Variants in CNOT6 observed in about 807,000 individuals in gnomAD.
The protein encoded by CNOT6 is CCR4-NOT transcription complex subunit 6.
Under a neutral mutation model 61.2 loss-of-function variants are expected in CNOT6, and 12 were observed. That is an observed-to-expected ratio of 0.20 (90% CI 0.13 to 0.32). The LOEUF (loss-of-function observed/expected upper bound fraction) is 0.32, where lower values mean the gene tolerates loss of function less well. Among genes scored for constraint, CNOT6 ranks in the 10% least tolerant of loss-of-function variants. The pLI is 1.00. For synonymous variants in CNOT6, 225 were observed against 240.6 expected, an observed-to-expected ratio of 0.94 and a Z score of 0.60; for missense variants, 405 against 663.9, an observed-to-expected ratio of 0.61 and a Z score of 4.28.
chr5:180,546,538 C>T (rs961237326), intron 2 of CNOT6, among the ~76,000 whole-genome samples: 1 of 152,170 alleles, frequency 6.6e-6, no homozygotes, highest in Non-Finnish European at 1.5e-5. Context: ...TTTCCTCCTC[C>T]CATCCATTAT....
At chr5:180,537,805 T>TC (rs780133610) in intron 2 of CNOT6, among the ~76,000 whole-genome samples, 35 of 5,946 alleles carry the variant, frequency 5.9e-3, no homozygotes, top group East Asian at 0.5. Flanking sequence ...TTTCTCTCTC[T>TC]TTTTTTTTTT....
chr5:180,546,591 GTTATC>G (rs1485790372), intron 2 of CNOT6, among the ~76,000 whole-genome samples: 1 of 152,112 alleles, frequency 6.6e-6, no homozygotes, highest in African/African-American at 2.4e-5. Flanking sequence ...TAACACCCAC[GTTATC>G]TTATTTCTAA....
At chr5:180,510,224 G>A (rs1757330352) in intron 1 of CNOT6, among the ~76,000 whole-genome samples, 1 of 129,882 alleles carries the variant, frequency 7.7e-6, no homozygotes, top group Non-Finnish European at 1.6e-5. Flanking sequence ...CTATTCACAG[G>A]TGCAATGATA....
chr5:180,571,474 C>G, intron 11 of CNOT6, 42 bp downstream of exon 11: 1 of 1,412,816 alleles, frequency 7.1e-7, no homozygotes, highest in Non-Finnish European at 1.0e-6. Flanking sequence ...CTGTCTTTTA[C>G]TGGCAGGTGT....
chr5:180,513,653 T>C (rs1332865635), intron 1 of CNOT6, among the ~76,000 whole-genome samples: 1 of 151,850 alleles, frequency 6.6e-6, no homozygotes, highest in Admixed American at 6.6e-5. Flanking sequence ...ATTACAGGTA[T>C]GAGCTACCAT....
At chr5:180,539,548 G>GTTGTTTTTTTTTTTTTTTTTTTTTTTTTT (rs1561648866) in intron 2 of CNOT6, among the ~76,000 whole-genome samples, 1 of 45,826 alleles carries the variant, frequency 2.2e-5, no homozygotes, top group African/African-American at 7.6e-5. Flanking sequence ...TACTTTTTCT[G>GTTGTTTTTTTTTTTTTTTTTTTTTTTTTT]TTCTTTTTTT....
chr5:180,512,620 CAG>C (rs1400532764), intron 1 of CNOT6, among the ~76,000 whole-genome samples: 4 of 151,814 alleles, frequency 2.6e-5, no homozygotes, highest in African/African-American at 9.7e-5. Flanking sequence ...ATTTTTGAGA[CAG>C]AGTCTTGCTC....
At chr5:180,538,841 T>C (rs1297527880) in intron 2 of CNOT6, among the ~76,000 whole-genome samples, 3 of 151,494 alleles carry the variant, frequency 2.0e-5, no homozygotes, top group Non-Finnish European at 4.4e-5. Flanking sequence ...ATCGCACCAC[T>C]GTACTCCAGC....
At chr5:180,534,015 A>G (rs1318679433) in intron 2 of CNOT6, among the ~76,000 whole-genome samples, 1 of 152,226 alleles carries the variant, frequency 6.6e-6, no homozygotes, top group Non-Finnish European at 1.5e-5. Context: ...GGCCACACCC[A>G]TCAGGGTTGA....
intron 3 of CNOT6, 102 bp downstream of exon 3, chr5:180,550,219 C>T: frequency 1.2e-6 from 1 of 834,188 alleles, no homozygotes; most frequent in South Asian, 1.8e-5. Context: ...TTTTGGGAGG[C>T]TGCGAGAGGA....
chr5:180,559,055 G>A (rs920856223), intron 4 of CNOT6, among the ~76,000 whole-genome samples: 1 of 152,152 alleles, frequency 6.6e-6, no homozygotes, highest in African/African-American at 2.4e-5. Flanking sequence ...GTCCATCCTG[G>A]CATATGTTTC....
intron 1 of CNOT6, chr5:180,495,527 T>G (rs1756571060): frequency 6.6e-6 from 1 of 152,276 alleles, no homozygotes; most frequent in South Asian, 2.1e-4. Context: ...TTAACTGTTG[T>G]TGCCATTGAC....
At chr5:180,523,952 A>C (rs1222833921) in intron 1 of CNOT6, among the ~76,000 whole-genome samples, 3 of 152,198 alleles carry the variant, frequency 2.0e-5, no homozygotes, top group Non-Finnish European at 1.5e-5. Flanking sequence ...AGCAGATCTG[A>C]AAGCATGTCT....
chr5:180,523,890 C>T (rs1757976506), intron 1 of CNOT6, among the ~76,000 whole-genome samples: 1 of 152,126 alleles, frequency 6.6e-6, no homozygotes, highest in Admixed American at 6.5e-5. Flanking sequence ...TGCTTTGCAC[C>T]ACTAACTTTC....
At chr5:180,545,147 AT>A (rs1759250653) in intron 2 of CNOT6, among the ~76,000 whole-genome samples, 1 of 152,210 alleles carries the variant, frequency 6.6e-6, no homozygotes, top group South Asian at 2.1e-4. Context: ...GATAGATTTT[AT>A]TATACAGTTT....
At chr5:180,512,959 G>C (rs1304956537) in intron 1 of CNOT6, among the ~76,000 whole-genome samples, 2 of 149,322 alleles carry the variant, frequency 1.3e-5, no homozygotes, top group Non-Finnish European at 3.0e-5. Flanking sequence ...GCAGTGGTGC[G>C]ATCTCGGCTC....
intron 1 of CNOT6, among the ~76,000 whole-genome samples, chr5:180,500,633 A>G (rs1756831847): frequency 6.6e-6 from 1 of 152,142 alleles, no homozygotes; most frequent in Non-Finnish European, 1.5e-5. Flanking sequence ...CAAGTTTTAT[A>G]GTTGATTATA....
intron 2 of CNOT6, among the ~76,000 whole-genome samples, chr5:180,541,441 A>ATTTTTTTTTTT (rs1163850404): frequency 2.8e-5 from 3 of 106,538 alleles, no homozygotes; most frequent in African/African-American, 8.2e-5. Context: ...TGGCCAAGAA[A>ATTTTTTTTTTT]TTTTTTTTTT....
chr5:180,546,367 C>T (rs1398388234), intron 2 of CNOT6, among the ~76,000 whole-genome samples: 4 of 152,038 alleles, frequency 2.6e-5, no homozygotes, highest in Admixed American at 6.5e-5. Context: ...AATAATAGAG[C>T]TTTTTTTAAA....
Sources: gnomAD v4.1 joint callset for allele counts (sites outside exome capture counted in the v4.1 genomes callset) on GRCh38, gnomAD v4.1.1 for gene constraint, MANE v1.5 for transcripts, NCBI Gene and HGNC (gene_info 2026-07-23, HGNC 2026-07-21) for gene names.